CNTNAP2: variants seen among roughly 807,000 people sequenced by gnomAD.
CNTNAP2 encodes contactin associated protein 2.
In CNTNAP2, 98 loss-of-function variants were observed where a neutral mutation model predicts 155.2. The ratio of observed to expected loss-of-function variants is 0.63; its 90% confidence interval spans 0.54 to 0.75. The LOEUF is 0.75. Ranked by LOEUF, CNTNAP2 falls within the 30% of genes least tolerant of loss-of-function variation. The pLI, the probability that CNTNAP2 is intolerant of heterozygous loss-of-function variation, is 0.00. For missense variants in CNTNAP2, 1,727 were observed against 1,688.1 expected, an observed-to-expected ratio of 1.02 and a Z score of -0.40; for synonymous variants, 651 against 631.2, an observed-to-expected ratio of 1.03 and a Z score of -0.47.
At chr7:146,246,801 C>T (rs533008608) in intron 1 of CNTNAP2, among the ~76,000 whole-genome samples, 2,224 of 152,148 alleles carry the variant, frequency 0.015, 48 homozygotes, top group African/African-American at 0.048. Flanking sequence ...TCCTGGGCTG[C>T]AGGCATTCCT....
intron 2 of CNTNAP2, among the ~76,000 whole-genome samples, chr7:146,795,412 A>G (rs1802751213): frequency 6.6e-6 from 1 of 152,222 alleles, no homozygotes; most frequent in Non-Finnish European, 1.5e-5. Flanking sequence ...TATTATTGTT[A>G]AGAAGAGGAT....
intron 1 of CNTNAP2, among the ~76,000 whole-genome samples, chr7:146,464,269 A>G (rs1330785856): frequency 6.6e-6 from 1 of 150,750 alleles, no homozygotes; most frequent in Non-Finnish European, 1.5e-5. Flanking sequence ...TGTCAATAGA[A>G]GTAAAGTTTT....
At chr7:147,069,624 T>A (rs1035240066) in intron 4 of CNTNAP2, among the ~76,000 whole-genome samples, 1 of 152,200 alleles carries the variant, frequency 6.6e-6, no homozygotes, top group Non-Finnish European at 1.5e-5. Flanking sequence ...ATTAAAGCTT[T>A]ACGTAACATA....
At chr7:146,234,464 T>G (rs1331190163) in intron 1 of CNTNAP2, among the ~76,000 whole-genome samples, 1 of 150,520 alleles carries the variant, frequency 6.6e-6, no homozygotes, top group Non-Finnish European at 1.5e-5. Flanking sequence ...CTTTTTAGTT[T>G]AATTAGATCC....
intron 22 of CNTNAP2, among the ~76,000 whole-genome samples, chr7:148,396,342 C>T (rs952983507): frequency 8.5e-5 from 13 of 152,180 alleles, no homozygotes; most frequent in Non-Finnish European, 1.6e-4. Flanking sequence ...TACTGTACCG[C>T]ATTTTTGAGT....
At chr7:148,094,526 C>T (rs188717227) in intron 15 of CNTNAP2, among the ~76,000 whole-genome samples, 162 of 152,188 alleles carry the variant, frequency 1.1e-3, no homozygotes, top group Middle Eastern at 6.8e-3. Context: ...GTTGGCTCTG[C>T]GGAGGATGAT....
chr7:146,163,571 ATC>A (rs1798264690), intron 1 of CNTNAP2, among the ~76,000 whole-genome samples: 1 of 98,968 alleles, frequency 1.0e-5, no homozygotes, highest in African/African-American at 4.3e-5. Context: ...ATCTATCTAT[ATC>A]TATCTATCTA....
intron 3 of CNTNAP2, among the ~76,000 whole-genome samples, chr7:146,919,178 T>C (rs1453753577): frequency 6.6e-6 from 1 of 152,242 alleles, no homozygotes; most frequent in African/African-American, 2.4e-5. Flanking sequence ...TGAATGGTTT[T>C]TCTGGCAATT....
chr7:147,585,143 C>T (rs894575923), intron 12 of CNTNAP2, among the ~76,000 whole-genome samples: 1 of 152,150 alleles, frequency 6.6e-6, no homozygotes, highest in Non-Finnish European at 1.5e-5. Context: ...ACCTAATTTA[C>T]TATCTCCATA....
At chr7:147,399,012 T>C (rs1286613727) in intron 10 of CNTNAP2, among the ~76,000 whole-genome samples, 1 of 151,928 alleles carries the variant, frequency 6.6e-6, no homozygotes, top group Admixed American at 6.6e-5. Flanking sequence ...GTTGAAAAGA[T>C]AATATTACTG....
At chr7:147,949,440 G>GTGTATATATATATATA (rs374972144) in intron 14 of CNTNAP2, among the ~76,000 whole-genome samples, 85 of 127,372 alleles carry the variant, frequency 6.7e-4, no homozygotes, top group African/African-American at 2.0e-3. Flanking sequence ...TCAACTGTGT[G>GTGTATATATATATATA]TATATATATA....
chr7:147,169,462 C>T (rs1802183674), intron 8 of CNTNAP2, among the ~76,000 whole-genome samples: 1 of 152,146 alleles, frequency 6.6e-6, no homozygotes, highest in South Asian at 2.1e-4. Context: ...GCAGTGTCTA[C>T]TGTTCCCATG....
At chr7:147,546,648 C>T (rs1444250016) in intron 11 of CNTNAP2, among the ~76,000 whole-genome samples, 1 of 152,168 alleles carries the variant, frequency 6.6e-6, no homozygotes, top group Admixed American at 6.6e-5. Flanking sequence ...TGTGTGACCC[C>T]TTGGAGCTTG....
intron 20 of CNTNAP2, among the ~76,000 whole-genome samples, chr7:148,232,182 TA>T (rs1795974621): frequency 6.6e-6 from 1 of 152,142 alleles, no homozygotes; most frequent in Non-Finnish European, 1.5e-5. Context: ...AAAAAGAAAG[TA>T]AAGATAGAGG....
At chr7:147,803,564 A>G (rs1256006022) in intron 13 of CNTNAP2, among the ~76,000 whole-genome samples, 1 of 152,176 alleles carries the variant, frequency 6.6e-6, no homozygotes, top group Non-Finnish European at 1.5e-5. Context: ...ATAGTAATAT[A>G]TTTCAAACCT....
chr7:147,585,055 G>A (rs1046257983), intron 12 of CNTNAP2, among the ~76,000 whole-genome samples: 2 of 152,150 alleles, frequency 1.3e-5, no homozygotes, highest in East Asian at 1.9e-4. Context: ...GTTGCCCACA[G>A]CCTTCTGTCT....
At chr7:146,161,861 A>T (rs534946550) in intron 1 of CNTNAP2, among the ~76,000 whole-genome samples, 2 of 152,204 alleles carry the variant, frequency 1.3e-5, no homozygotes, top group African/African-American at 4.8e-5. Flanking sequence ...AATACCACAC[A>T]TCTACAACCA....
chr7:146,945,515 AG>A (rs1797148662), intron 3 of CNTNAP2, among the ~76,000 whole-genome samples: 1 of 152,188 alleles, frequency 6.6e-6, no homozygotes, highest in South Asian at 2.1e-4. Flanking sequence ...AGGAGGAAAA[AG>A]GCGCAGCAGC....
intron 20 of CNTNAP2, among the ~76,000 whole-genome samples, chr7:148,235,270 C>T (rs953148741): frequency 5.9e-5 from 9 of 152,180 alleles, no homozygotes; most frequent in African/African-American, 9.7e-5. Flanking sequence ...GTATATAAAT[C>T]TTAAGAACTG....
Sources: gnomAD v4.1 joint callset for allele counts (sites outside exome capture counted in the v4.1 genomes callset) on GRCh38, gnomAD v4.1.1 for gene constraint, MANE v1.5 for transcripts, NCBI Gene and HGNC (gene_info 2026-07-23, HGNC 2026-07-21) for gene names.